Variants in ZNF724 observed in about 807,000 individuals in gnomAD.
ZNF724 encodes the protein zinc finger protein 724.
A neutral mutation model predicts 29.3 loss-of-function variants in ZNF724; 14 were observed. The ratio of observed to expected loss-of-function variants is 0.48; its 90% CI spans 0.32 to 0.75. ZNF724 has a LOEUF of 0.75. Ranked by LOEUF, ZNF724 falls within the 30% of genes least tolerant of loss-of-function variation. ZNF724 has a pLI of 0.04. For synonymous variants in ZNF724, 180 were observed against 193.6 expected (o/e 0.93, Z 0.58); for missense variants, 557 against 571.2 (o/e 0.98, Z 0.25).
At chr19:23,239,785 T>C (rs1972086655) in intron 1 of ZNF724, among the ~76,000 whole-genome samples, 1 of 152,036 alleles carries the variant, frequency 6.6e-6, no homozygotes. Context: ...TACTCCAGGC[T>C]AGGCAACGCA....
intron 1 of ZNF724, among the ~76,000 whole-genome samples, chr19:23,235,770 C>T (rs778748140): frequency 6.6e-5 from 10 of 152,114 alleles, no homozygotes; most frequent in African/African-American, 1.2e-4. Context: ...GTTCATATCA[C>T]CTCTAGTAAT....
chr19:23,228,994 C>T (rs3895843), intron 3 of ZNF724, among the ~76,000 whole-genome samples: 75,240 of 150,594 alleles, frequency 0.5, 20,087 homozygotes, highest in East Asian at 0.68. Flanking sequence ...ACCTGGGAGG[C>T]GGAGGTTACA....
intron 1 of ZNF724, among the ~76,000 whole-genome samples, chr19:23,234,836 G>T (rs570495587): frequency 6.6e-6 from 1 of 152,280 alleles, no homozygotes; most frequent in Admixed American, 6.5e-5. Context: ...TTTTCAAAGG[G>T]TTCATGAATG....
chr19:23,234,430 C>G (rs1971990657), intron 1 of ZNF724, among the ~76,000 whole-genome samples: 1 of 152,060 alleles, frequency 6.6e-6, no homozygotes, highest in African/African-American at 2.4e-5. Flanking sequence ...CAGCTGATAA[C>G]CATTTAGCTA....
chr19:23,230,726 G>T (rs1490175978), intron 3 of ZNF724: 2 of 152,050 alleles, frequency 1.3e-5, no homozygotes, highest in Non-Finnish European at 2.9e-5. Context: ...CTTGAAGAAA[G>T]ATAACGGAAG....
intron 1 of ZNF724, among the ~76,000 whole-genome samples, chr19:23,234,523 C>T (rs1343907923): frequency 3.3e-5 from 5 of 152,018 alleles, no homozygotes; most frequent in Admixed American, 2.6e-4. Flanking sequence ...ACAATCTCTG[C>T]TCACCACAAC....
chr19:23,250,170 C>T (rs909151146), intron 1 of ZNF724, 70 bp downstream of exon 1: 3 of 566,572 alleles, frequency 5.3e-6, no homozygotes, highest in African/African-American at 3.8e-5. Context: ...CCGAGTCCGC[C>T]ACAGCCACTT....
At position 23,223,897 on chromosome 19, in the gene ZNF724, G is replaced by A; in HGVS notation, c.348C>T (p.Gly116=). The A allele has an allele frequency of 1.3e-6, 1 of 775,420 alleles. No homozygotes were observed. The highest frequency in any genetic ancestry group is 1.7e-5 in the African/African-American group (1 of 59,008). The allele number at this position is 775,420 out of a possible 1,614,324, so 48.0% of individuals were successfully genotyped here. The stretch of plus-strand genomic sequence containing the variant: ...CCTTGTACTCATCCACACTTTTATA[G>A]CCTTTTTTTAACTGTAAATTGTGAT... The part of the protein sequence containing the change: ...CGHHNLQLKK[G]YKSVDEYKVH... Residue 116 remains glycine, a synonymous_variant, in exon 4 of 4, where the codon GGC becomes GGT. Transcript: ENST00000418100.
At chr19:23,247,105 C>G (rs969481716) in intron 1 of ZNF724, among the ~76,000 whole-genome samples, 7 of 152,248 alleles carry the variant, frequency 4.6e-5, no homozygotes, top group African/African-American at 1.7e-4. Context: ...CACCTGTAAT[C>G]CCAGCTACTC....
chr19:23,227,349 G>A (rs1184894434), intron 3 of ZNF724, among the ~76,000 whole-genome samples: 4 of 152,034 alleles, frequency 2.6e-5, no homozygotes, highest in African/African-American at 9.7e-5. Context: ...GAGGTCAGGA[G>A]TTCGAGACCA....
intron 1 of ZNF724, among the ~76,000 whole-genome samples, chr19:23,244,100 C>T (rs901796395): frequency 1.1e-4 from 17 of 152,014 alleles, no homozygotes; most frequent in African/African-American, 3.6e-4. Context: ...GGAAAAAACT[C>T]GACGGGTGGG....
At chr19:23,246,522 G>A (rs768915827) in intron 1 of ZNF724, among the ~76,000 whole-genome samples, 27 of 152,134 alleles carry the variant, frequency 1.8e-4, no homozygotes, top group Non-Finnish European at 3.7e-4. Context: ...GGGCGTGGTG[G>A]CATGCACCTG....
chr19:23,241,894 C>G (rs1355240416), intron 1 of ZNF724, among the ~76,000 whole-genome samples: 1 of 152,064 alleles, frequency 6.6e-6, no homozygotes, highest in Non-Finnish European at 1.5e-5. Context: ...AGAAATCAGG[C>G]AAGAGAAAGA....
chr19:23,238,894 G>A (rs1031459915), intron 1 of ZNF724, among the ~76,000 whole-genome samples: 3 of 152,176 alleles, frequency 2.0e-5, no homozygotes, highest in African/African-American at 7.2e-5. Flanking sequence ...GCGTCAGAGT[G>A]AGACTCCATC....
In ZNF724 at chr19:23,222,674, T is replaced by C. The variant is rs763848837; in HGVS notation, c.1571A>G (p.His524Arg). Reference protein sequence around the residue: ...AFNQSSTLARHKIIHAGEKPY... With the variant: ...AFNQSSTLARRKIIHAGEKPY... ...TTTCTCTCCAGCATGAATTATCTTA[T>C]GTCTAGCAAGTGTCGAGGATTGGTT... is the stretch of plus-strand genomic sequence containing the variant. The change falls in exon 4 of 4, where the codon CAT becomes CGT. Residue 524 changes from histidine to arginine, a missense_variant. By Grantham distance (29) the His-to-Arg change is conservative (BLOSUM62 0). Around this residue, in one of 3 missense-constraint regions of ZNF724, gnomAD observed 170 missense variants for 220.7 expected, o/e 0.77. Coordinates refer to ENST00000418100, the MANE Select transcript of ZNF724 (RefSeq NM_001355404.2). 3 of 1,376,724 alleles carry C rather than the reference T, an allele frequency of 2.2e-6. No homozygotes were observed. Among genetic ancestry groups the C allele is most frequent in the South Asian group, 2.3e-5 (2 of 85,486 alleles). 85.3% of individuals were successfully genotyped at this position (1,376,724 alleles called of 1,614,324 possible). A position where few individuals can be genotyped will look rare whatever the true frequency, so the allele number is the denominator to read the frequency against.
chr19:23,231,983 C>T (rs1002500550), intron 2 of ZNF724, among the ~76,000 whole-genome samples, 184 bp downstream of exon 2: 3 of 152,014 alleles, frequency 2.0e-5, no homozygotes, highest in South Asian at 2.1e-4. Context: ...GTGATCCACC[C>T]GCCTTGGCCA....
intron 3 of ZNF724, among the ~76,000 whole-genome samples, chr19:23,228,523 G>A (rs1039907843): frequency 2.0e-5 from 3 of 151,678 alleles, no homozygotes; most frequent in Non-Finnish European, 4.4e-5. Context: ...GGACTGAGGC[G>A]GGTGTCGATC....
chr19:23,240,423 C>G (rs1176311886), intron 1 of ZNF724, among the ~76,000 whole-genome samples: 1 of 151,406 alleles, frequency 6.6e-6, no homozygotes, highest in African/African-American at 2.4e-5. Flanking sequence ...GCACTCTGAC[C>G]AAAAAAGGAG....
intron 1 of ZNF724, chr19:23,236,453 T>C (rs1972022712): frequency 6.5e-6 from 1 of 152,824 alleles, no homozygotes; most frequent in African/African-American, 2.4e-5. Flanking sequence ...GAGATACCTC[T>C]AAGAGTTCTC....
Sources: allele counts gnomAD v4.1 joint callset (sites outside exome capture counted in the v4.1 genomes callset), GRCh38; gene constraint gnomAD v4.1.1; regional missense constraint gnomAD v4.1.1; transcripts MANE v1.5; gene names NCBI Gene and HGNC (gene_info 2026-07-23, HGNC 2026-07-21).